The following RUVBL2 variants were observed in gnomAD, a reference collection of about 807,000 sequenced individuals.
RUVBL2 encodes the protein ruvB-like 2.
In RUVBL2, 9 loss-of-function variants were observed where a neutral mutation model predicts 57.9. The observed-to-expected ratio is 0.16, with a 90% CI of 0.09 to 0.27. RUVBL2 has a LOEUF of 0.27. Among genes scored for constraint, RUVBL2 ranks in the 10% least tolerant of loss-of-function variants. The probability of loss-of-function intolerance (pLI) is 1.00; values close to 1 mark genes in which losing one functional copy is unlikely to be tolerated. For missense variants in RUVBL2, 456 were observed against 669.6 expected (o/e 0.68, Z 3.52); for synonymous variants, 278 against 264.6 (o/e 1.05, Z -0.49).
chr19:49,010,704 C>T (rs2039403231), intron 9 of RUVBL2, 93 bp downstream of exon 9: 2 of 1,534,690 alleles, frequency 1.3e-6, no homozygotes, highest in African/African-American at 2.7e-5. Context: ...GAGTGTGGCC[C>T]ACCTGCTCCA....
chr19:49,006,755 T>C (rs1024995405), intron 4 of RUVBL2, among the ~76,000 whole-genome samples: 4 of 152,250 alleles, frequency 2.6e-5, no homozygotes, highest in Non-Finnish European at 5.9e-5. Flanking sequence ...GGGTGTACCC[T>C]CTGGGCAATG....
chr19:48,996,481 AC>A (rs1241100654), intron 1 of RUVBL2, among the ~76,000 whole-genome samples: 2 of 146,648 alleles, frequency 1.4e-5, no homozygotes, highest in African/African-American at 5.2e-5. Context: ...GCGCGTCACC[AC>A]GCCCAGCTAA....
intron 1 of RUVBL2, among the ~76,000 whole-genome samples, chr19:48,996,557 G>T (rs536586926): frequency 1.4e-5 from 2 of 142,750 alleles, no homozygotes; most frequent in Non-Finnish European, 1.5e-5. Context: ...ATAGAGTCTT[G>T]CTCTGATGCC....
chr19:49,001,571 G>GC (rs2039183543), intron 2 of RUVBL2: 1 of 150,792 alleles, frequency 6.6e-6, no homozygotes, highest in African/African-American at 2.4e-5. Context: ...CCCTTGGGGT[G>GC]CTCACAGTCA....
At chr19:49,010,167 C>T (rs771337767) in intron 8 of RUVBL2, 101 bp downstream of exon 8, 1 of 1,113,142 alleles carries the variant, frequency 9.0e-7, no homozygotes, top group South Asian at 1.3e-5. Context: ...TTCCTGTTAC[C>T]CTGACTGTTT....
At chr19:49,005,294 G>T (rs960415967) in intron 4 of RUVBL2, among the ~76,000 whole-genome samples, 9 of 152,254 alleles carry the variant, frequency 5.9e-5, no homozygotes, top group African/African-American at 2.2e-4. Flanking sequence ...GCCTGTTGGG[G>T]TGCTCGGACT....
At chr19:49,008,341 T>C (rs905819440) in intron 6 of RUVBL2, among the ~76,000 whole-genome samples, 7 of 149,410 alleles carry the variant, frequency 4.7e-5, no homozygotes, top group Admixed American at 3.3e-4. Context: ...CCCGGGTTCA[T>C]GCCATTCTCC....
chr19:49,015,212 G>T, intron 13 of RUVBL2, 62 bp downstream of exon 13: 1 of 1,572,194 alleles, frequency 6.4e-7, no homozygotes, highest in Non-Finnish European at 8.6e-7. Flanking sequence ...AGTACTTCAG[G>T]GGCTTCCAGG....
intron 2 of RUVBL2, among the ~76,000 whole-genome samples, chr19:49,002,275 C>T (rs1267772645): frequency 6.6e-6 from 1 of 152,016 alleles, no homozygotes; most frequent in African/African-American, 2.4e-5. Flanking sequence ...GTCTCGAACT[C>T]CTGACCTCAG....
At chr19:49,010,131 C>A in intron 8 of RUVBL2, 65 bp downstream of exon 8, 4 of 1,395,504 alleles carry the variant, frequency 2.9e-6, no homozygotes, top group Non-Finnish European at 4.0e-6. Flanking sequence ...TCCTCCATCA[C>A]CCCCTTGACC....
chr19:49,011,391 G>A lies in RUVBL2; in HGVS notation c.1001+81G>A. ...GGTCAGAGGGTCAATGGGAGCCTGTGTTGACACCGGGTCAGGGAGGGACGC... is the reference window on the plus strand; with the variant it reads ...GGTCAGAGGGTCAATGGGAGCCTGTATTGACACCGGGTCAGGGAGGGACGC... On this transcript the variant is annotated intron_variant, in intron 11 of 14. Transcript: ENST00000595090. This position sits in a 1 kb window ranked among gnomAD's most constrained non-coding sequence, Gnocchi z 4.4. 2.6e-6 allele frequency: 3 copies of A among 1,137,610 alleles called. No homozygotes were observed. The highest frequency in any genetic ancestry group is 4.0e-6 in the Non-Finnish European group (3 of 758,530). The allele number at this position is 1,137,610 out of a possible 1,614,324, so 70.5% of individuals were successfully genotyped here. A position where few individuals can be genotyped will look rare whatever the true frequency, so the allele number is the denominator to read the frequency against.
intron 1 of RUVBL2, among the ~76,000 whole-genome samples, chr19:48,996,403 C>T (rs1185686078): frequency 6.6e-6 from 1 of 151,852 alleles, no homozygotes; most frequent in African/African-American, 2.4e-5. Flanking sequence ...CTCCCTGCAG[C>T]CTCTGCCTCT....
rs990242450 is a variant in RUVBL2 at position 48,995,448 on chromosome 19, G to A, written c.12+1525G>A. On this transcript the variant is annotated intron_variant, in intron 1 of 14. Transcript: ENST00000595090. ...GTGGGAAGGTTCACACAGTGACAGG[G>A]AAAGCTTGTGACCATTGATGGCCAG... Among the ~76,000 whole-genome samples the A allele has an allele frequency of 2.6e-5, 4 of 151,236 alleles. No individual in the cohort carries two copies. The Admixed American group carries it at 2.6e-4, about 10-fold the overall frequency.
chr19:49,013,281 G>A (rs1002688227), intron 11 of RUVBL2, among the ~76,000 whole-genome samples: 10 of 109,046 alleles, frequency 9.2e-5, no homozygotes, highest in Admixed American at 3.0e-4. Context: ...TTTTTTTTTT[G>A]TAGAGATGGT....
chr19:48,993,889 G>C lies in RUVBL2; in HGVS notation c.-23G>C. Reference sequence around the variant, plus strand: ...CCTCGCGCGTTTCCGTTTCCGCTAGGACTCTGGCAGTTGGTGAGCATCATG... The same window carrying C: ...CCTCGCGCGTTTCCGTTTCCGCTAGCACTCTGGCAGTTGGTGAGCATCATG... On this transcript the variant is annotated 5_prime_UTR_variant, in exon 1 of 15. Coordinates refer to ENST00000595090, the MANE Select transcript of RUVBL2 (RefSeq NM_006666.3). The C allele has an allele frequency of 6.2e-7, 1 of 1,614,134 alleles. No individual in the cohort carries two copies. The highest frequency in any genetic ancestry group is 8.5e-7 in the Non-Finnish European group (1 of 1,180,024).
chr19:49,003,141 C>G, intron 2 of RUVBL2, 138 bp from the exon 3 acceptor site: 1 of 758,750 alleles, frequency 1.3e-6, no homozygotes, highest in Non-Finnish European at 2.3e-6. Flanking sequence ...TTTCCATGTG[C>G]CCCTTCATTC....
At chr19:49,004,908 A>T (rs1164971922) in intron 4 of RUVBL2, among the ~76,000 whole-genome samples, 2 of 151,782 alleles carry the variant, frequency 1.3e-5, no homozygotes, top group African/African-American at 4.8e-5. Context: ...AATTTGGACC[A>T]TTTTTGCCTT....
At chr19:48,999,201 C>T in intron 1 of RUVBL2, 118 bp from the exon 2 acceptor site, 2 of 1,088,234 alleles carry the variant, frequency 1.8e-6, no homozygotes, top group Non-Finnish European at 2.8e-6. Context: ...GGTGCCTGTC[C>T]CATCGCCTGC....
chr19:49,011,036 G>A lies in RUVBL2; in HGVS notation c.825G>A (p.Gln275=), dbSNP rs2039415085. Residue 275 remains glutamine, a synonymous_variant, in exon 10 of 15, where the codon CAG becomes CAA. Transcript: ENST00000595090. This position sits in a 1 kb window ranked among gnomAD's most constrained non-coding sequence, Gnocchi z 4.4. ...TGEIKSEVRE[Q]INAKVAEWRE... ...AGATCAAGTCAGAAGTCCGTGAGCA[G>A]ATCAATGCCAAGGTGGCTGAGTGGC... The A allele has an allele frequency of 2.5e-6, 4 of 1,611,684 alleles. No homozygotes were observed. Among genetic ancestry groups the A allele is most frequent in the Non-Finnish European group, 3.4e-6 (4 of 1,178,954 alleles).
Sources: gnomAD v4.1 joint callset for allele counts (sites outside exome capture counted in the v4.1 genomes callset) on GRCh38, gnomAD v4.1.1 for gene constraint, Gnocchi (gnomAD v3.1) non-coding constraint, MANE v1.5 for transcripts, NCBI Gene and HGNC (gene_info 2026-07-23, HGNC 2026-07-21) for gene names.